The following TUSC3 variants were observed in gnomAD, a reference collection of about 807,000 sequenced individuals.
TUSC3 encodes tumor suppressor candidate 3, also known as dolichyl-diphosphooligosaccharide--protein glycosyltransferase subunit TUSC3.
TUSC3 carries 45 observed loss-of-function variants against 44.8 expected under a neutral mutation model. The observed-to-expected ratio is 1.00, with a 90% CI of 0.79 to 1.29. The LOEUF is 1.29. TUSC3 is among the 50% of genes most tolerant of loss of function. The pLI is 0.00. For missense variants in TUSC3, 519 were observed against 437.9 expected, an observed-to-expected ratio of 1.19 and a Z score of -1.65; for synonymous variants, 212 against 152.9, an observed-to-expected ratio of 1.39 and a Z score of -2.85.
the TUSC3 span, among the ~76,000 whole-genome samples, chr8:15,819,143 C>A: frequency 6.6e-6 from 1 of 152,108 alleles, no homozygotes; most frequent in Non-Finnish European, 1.5e-5. Context: ...TCCATCACCA[C>A]GAGTCATAGA....
chr8:15,831,451 G>T, the TUSC3 span, among the ~76,000 whole-genome samples: 1 of 152,100 alleles, frequency 6.6e-6, no homozygotes, highest in South Asian at 2.1e-4. Context: ...ACTCGGCTGA[G>T]ATGGGTGAAA....
At chr8:15,516,897 T>G (rs1801223482) in intron 2 of TUSC3, among the ~76,000 whole-genome samples, 1 of 152,236 alleles carries the variant, frequency 6.6e-6, no homozygotes, top group Non-Finnish European at 1.5e-5. Flanking sequence ...TATTTCCGTG[T>G]AATTTTAAGG....
chr8:15,789,975 G>A, the TUSC3 span, among the ~76,000 whole-genome samples: 1 of 152,056 alleles, frequency 6.6e-6, no homozygotes, highest in African/African-American at 2.4e-5. Context: ...TTGAACCAGA[G>A]CTGCTCCTTG....
At chr8:15,825,367 G>T in the TUSC3 span, among the ~76,000 whole-genome samples, 9 of 152,106 alleles carry the variant, frequency 5.9e-5, no homozygotes, top group Non-Finnish European at 1.3e-4. Flanking sequence ...TTACATGGTG[G>T]CAGGCAAGAG....
chr8:15,487,070 A>G (rs1369569383), intron 2 of TUSC3, among the ~76,000 whole-genome samples: 4 of 152,174 alleles, frequency 2.6e-5, no homozygotes, highest in Non-Finnish European at 5.9e-5. Context: ...TTCTTCTATG[A>G]CAAACCGATA....
At chr8:15,843,665 A>G in the TUSC3 span, among the ~76,000 whole-genome samples, 3 of 150,008 alleles carry the variant, frequency 2.0e-5, no homozygotes, top group African/African-American at 7.5e-5. Context: ...CATGATGTTT[A>G]TAATTATCTA....
At chr8:15,629,134 C>T (rs1805644121) in intron 2 of TUSC3, among the ~76,000 whole-genome samples, 1 of 152,180 alleles carries the variant, frequency 6.6e-6, no homozygotes, top group Non-Finnish European at 1.5e-5. Flanking sequence ...GAAGCTTGAA[C>T]TGTGAGACTG....
chr8:15,806,528 C>G, the TUSC3 span: 1 of 1,360,174 alleles, frequency 7.4e-7, no homozygotes. Flanking sequence ...GACTTCAAGC[C>G]TGGATCTTAC....
chr8:15,639,733 G>T (rs991696522), intron 2 of TUSC3, among the ~76,000 whole-genome samples: 1 of 149,314 alleles, frequency 6.7e-6, no homozygotes, highest in African/African-American at 2.4e-5. Context: ...TAATTTTCAT[G>T]GTCTCAGACC....
intron 2 of TUSC3, among the ~76,000 whole-genome samples, chr8:15,485,525 C>G (rs929462355): frequency 1.3e-5 from 2 of 149,126 alleles, no homozygotes; most frequent in Non-Finnish European, 3.0e-5. Flanking sequence ...TGCAGGGCCA[C>G]TTGCATTCTC....
At chr8:15,531,209 C>T (rs959842077) in intron 2 of TUSC3, among the ~76,000 whole-genome samples, 1 of 152,136 alleles carries the variant, frequency 6.6e-6, no homozygotes, top group Non-Finnish European at 1.5e-5. Context: ...AAGCTGCCTG[C>T]CTGGGCCTCT....
intron 2 of TUSC3, among the ~76,000 whole-genome samples, chr8:15,641,361 C>CA (rs34446791): frequency 0.49 from 48,571 of 99,008 alleles, 10,630 homozygotes; most frequent in Non-Finnish European, 0.56. Context: ...GACTCCGTCT[C>CA]AAAAAAAAAA....
At chr8:15,718,508 A>G (rs143736098) in intron 6 of TUSC3, among the ~76,000 whole-genome samples, 25 of 152,294 alleles carry the variant, frequency 1.6e-4, no homozygotes, top group African/African-American at 5.1e-4. Context: ...TAGTTACATC[A>G]TAAGATGTGA....
Position 15,586,141 on chromosome 8 carries a change from G to C in TUSC3, c.139-36939G>C, listed in dbSNP as rs553074963. Among the ~76,000 whole-genome samples, 5 of 152,284 alleles carry C rather than the reference G, an allele frequency of 3.3e-5. No individual in the cohort carries two copies. The South Asian group carries it at 1.0e-3, about 32-fold the overall frequency. ...TATGTTCATATAAGGTCAAGTCAGAGAAGTATCCATATATTTGCCTGTTAA... is the reference window on the plus strand; with the variant it reads ...TATGTTCATATAAGGTCAAGTCAGACAAGTATCCATATATTTGCCTGTTAA... On this transcript the variant is annotated intron_variant, in intron 1 of 10. Coordinates refer to ENST00000503731, the MANE Select transcript of TUSC3 (RefSeq NM_006765.4).
intron 1 of TUSC3, among the ~76,000 whole-genome samples, chr8:15,600,393 G>C (rs1024883839): frequency 6.6e-6 from 1 of 151,704 alleles, no homozygotes; most frequent in African/African-American, 2.4e-5. Context: ...GATGTCAGTA[G>C]GCTTAGAGAA....
intron 3 of TUSC3, among the ~76,000 whole-genome samples, chr8:15,655,077 G>A (rs74520909): frequency 6.4e-4 from 97 of 152,272 alleles, no homozygotes; most frequent in African/African-American, 2.3e-3. Flanking sequence ...GACATGAGCA[G>A]GGCAGGAGAG....
At chr8:15,501,658 G>A (rs761036124) in intron 2 of TUSC3, among the ~76,000 whole-genome samples, 4 of 152,118 alleles carry the variant, frequency 2.6e-5, no homozygotes, top group East Asian at 1.9e-4. Flanking sequence ...AAGCAGTTTC[G>A]TCAGAGGCTA....
At chr8:15,537,415 C>T (rs185998163), upstream of TUSC3, among the ~76,000 whole-genome samples, 1 of 152,224 alleles carries the variant, frequency 6.6e-6, no homozygotes, top group East Asian at 1.9e-4. Flanking sequence ...TAAAACCAAG[C>T]TGCACCCCGA....
intron 1 of TUSC3, among the ~76,000 whole-genome samples, chr8:15,467,098 T>G (rs1800424291): frequency 6.6e-6 from 1 of 152,020 alleles, no homozygotes; most frequent in Non-Finnish European, 1.5e-5. Flanking sequence ...TTGGCCTATT[T>G]GGGAAGGATT....
Sources: allele counts gnomAD v4.1 joint callset (sites outside exome capture counted in the v4.1 genomes callset), GRCh38; gene constraint gnomAD v4.1.1; transcripts MANE v1.5; gene names NCBI Gene and HGNC (gene_info 2026-07-23, HGNC 2026-07-21).